Variants in CLEC16A observed in about 807,000 individuals in gnomAD.
The protein encoded by CLEC16A is protein CLEC16A.
Under a neutral mutation model 109.5 loss-of-function variants are expected in CLEC16A, and 51 were observed. That is an observed-to-expected ratio of 0.47 (90% CI 0.37 to 0.59). The LOEUF (loss-of-function observed/expected upper bound fraction) is 0.59, where lower values mean the gene tolerates loss of function less well. Ranked by LOEUF, CLEC16A falls within the 20% of genes least tolerant of loss-of-function variation. The pLI is 0.00. For synonymous variants in CLEC16A, 673 were observed against 564.2 expected (o/e 1.19, Z -2.73); for missense variants, 1,339 against 1,394.0 (o/e 0.96, Z 0.63).
chr16:10,988,349 G>A (rs1416040739), intron 10 of CLEC16A, among the ~76,000 whole-genome samples: 2 of 152,092 alleles, frequency 1.3e-5, no homozygotes, highest in African/African-American at 4.8e-5. Flanking sequence ...AGAGATGAGG[G>A]ATGTGGTGGT....
At chr16:11,000,889 G>A (rs1177070216) in intron 10 of CLEC16A, among the ~76,000 whole-genome samples, 1 of 152,154 alleles carries the variant, frequency 6.6e-6, no homozygotes, top group African/African-American at 2.4e-5. Flanking sequence ...ATAATTGGTG[G>A]TCGTTTGGGG....
At chr16:11,049,054 T>C (rs570113628) in intron 17 of CLEC16A, among the ~76,000 whole-genome samples, 2 of 152,090 alleles carry the variant, frequency 1.3e-5, no homozygotes, top group East Asian at 3.9e-4. Flanking sequence ...TCGCCCAGGC[T>C]GGAGTGCAAG....
chr16:11,047,629 C>G, intron 17 of CLEC16A: 1 of 266,306 alleles, frequency 3.8e-6, no homozygotes, highest in Non-Finnish European at 7.0e-6. Flanking sequence ...TTACTCTGTG[C>G]TGGATGTATA....
intron 19 of CLEC16A, among the ~76,000 whole-genome samples, chr16:11,103,643 C>T (rs890294226): frequency 6.6e-6 from 1 of 152,188 alleles, no homozygotes; most frequent in African/African-American, 2.4e-5. Flanking sequence ...TGTGTCATGG[C>T]CTGTCTTCCA....
intron 3 of CLEC16A, among the ~76,000 whole-genome samples, chr16:10,965,313 C>T (rs1156880436): frequency 6.6e-6 from 1 of 152,148 alleles, no homozygotes; most frequent in Non-Finnish European, 1.5e-5. Flanking sequence ...GATAGAAGAC[C>T]TTTGCTTTTA....
intron 19 of CLEC16A, among the ~76,000 whole-genome samples, chr16:11,080,526 G>A (rs929336040): frequency 6.6e-5 from 10 of 152,198 alleles, no homozygotes; most frequent in African/African-American, 2.4e-4. Context: ...AACATTGGGC[G>A]GTCCATTCGT....
At chr16:11,128,379 GC>G (rs1567361796) in intron 22 of CLEC16A, among the ~76,000 whole-genome samples, 1 of 152,236 alleles carries the variant, frequency 6.6e-6, no homozygotes, top group Admixed American at 6.5e-5. Context: ...GGGCCTGCCT[GC>G]CGGGGTGGTT....
intron 22 of CLEC16A, among the ~76,000 whole-genome samples, chr16:11,147,478 C>G (rs1358176947): frequency 2.0e-5 from 3 of 152,220 alleles, no homozygotes; most frequent in Non-Finnish European, 4.4e-5. Context: ...GGGCAAGGTT[C>G]TCTGAAGGCG....
At chr16:11,073,725 G>A (rs1442602078) in intron 19 of CLEC16A, among the ~76,000 whole-genome samples, 2 of 152,128 alleles carry the variant, frequency 1.3e-5, no homozygotes, top group Non-Finnish European at 2.9e-5. Context: ...CCTGCTCCAC[G>A]TGCCTTGTGC....
At chr16:11,038,258 A>C (rs1431636467) in intron 13 of CLEC16A, among the ~76,000 whole-genome samples, 1 of 152,220 alleles carries the variant, frequency 6.6e-6, no homozygotes, top group Non-Finnish European at 1.5e-5. Flanking sequence ...TATTTTGTCA[A>C]GGTTCTAAAT....
At chr16:11,164,075 G>A (rs956341686) in intron 22 of CLEC16A, among the ~76,000 whole-genome samples, 3 of 152,074 alleles carry the variant, frequency 2.0e-5, no homozygotes, top group Non-Finnish European at 4.4e-5. Flanking sequence ...TCATCTGAGC[G>A]GGCCCCCGAC....
At position 11,179,625 on chromosome 16, in the gene CLEC16A, C is replaced by G. The variant is rs1162015766; in HGVS notation, c.*935C>G. ...AGCACCTTCTTCAGTGTTACCATCTCTAAGAAGGAACCAGTTGGGACCGTG... is the reference window on the plus strand; with the variant it reads ...AGCACCTTCTTCAGTGTTACCATCTGTAAGAAGGAACCAGTTGGGACCGTG... On this transcript the variant is annotated 3_prime_UTR_variant, in exon 24 of 24. Coordinates refer to ENST00000409790, the MANE Select transcript of CLEC16A (RefSeq NM_015226.3). 6.6e-6 allele frequency: 1 copy of G among 152,234 alleles called. No homozygotes were observed. The highest frequency in any genetic ancestry group is 2.4e-5 in the African/African-American group (1 of 41,454). 9.4% of individuals were successfully genotyped at this position (152,234 alleles called of 1,614,324 possible).
At chr16:11,164,466 G>A (rs2054833530) in intron 22 of CLEC16A, among the ~76,000 whole-genome samples, 1 of 152,216 alleles carries the variant, frequency 6.6e-6, no homozygotes, top group Non-Finnish European at 1.5e-5. Flanking sequence ...GGTCCCATCT[G>A]TAGGTGAAAG....
At chr16:11,171,220 G>C (rs1371520641) in intron 23 of CLEC16A, among the ~76,000 whole-genome samples, 1 of 152,202 alleles carries the variant, frequency 6.6e-6, no homozygotes, top group East Asian at 1.9e-4. Context: ...AGCTGGAAGG[G>C]GGAAGGGGAC....
chr16:10,984,998 G>A (rs1384500479), intron 10 of CLEC16A, among the ~76,000 whole-genome samples: 2 of 152,022 alleles, frequency 1.3e-5, no homozygotes, highest in Non-Finnish European at 2.9e-5. Flanking sequence ...TCAGGAGATC[G>A]AGACCATCCT....
chr16:10,981,405 T>A (rs989478098), intron 9 of CLEC16A, among the ~76,000 whole-genome samples: 3 of 152,204 alleles, frequency 2.0e-5, no homozygotes, highest in Admixed American at 6.5e-5. Flanking sequence ...TCATACTATG[T>A]GGTCTCTGTG....
At chr16:11,130,196 C>T (rs1266325386) in intron 22 of CLEC16A, among the ~76,000 whole-genome samples, 1 of 152,222 alleles carries the variant, frequency 6.6e-6, no homozygotes, top group Admixed American at 6.5e-5. Context: ...CCCTGCATCT[C>T]AGCGCCTAGC....
chr16:10,959,399 T>C (rs1342984708), intron 2 of CLEC16A, among the ~76,000 whole-genome samples: 1 of 152,192 alleles, frequency 6.6e-6, no homozygotes, highest in African/African-American at 2.4e-5. Flanking sequence ...ATTTTGTTTT[T>C]TTTGTTTTGT....
intron 9 of CLEC16A, among the ~76,000 whole-genome samples, chr16:10,980,222 C>T (rs1366125133): frequency 6.6e-6 from 1 of 152,192 alleles, no homozygotes; most frequent in Non-Finnish European, 1.5e-5. Flanking sequence ...TCAGAGGCCA[C>T]CTCCTCCCCG....
Sources: gnomAD v4.1 joint callset for allele counts (sites outside exome capture counted in the v4.1 genomes callset) on GRCh38, gnomAD v4.1.1 for gene constraint, MANE v1.5 for transcripts, NCBI Gene and HGNC (gene_info 2026-07-23, HGNC 2026-07-21) for gene names.